The following LEF1 variants were observed in gnomAD, a reference collection of about 807,000 sequenced individuals.
LEF1 encodes lymphoid enhancer-binding factor 1.
In LEF1, 14 loss-of-function variants were observed where a neutral mutation model predicts 51.2. The observed-to-expected ratio is 0.27, with a 90% confidence interval of 0.18 to 0.43. The LOEUF is 0.43. Among genes scored for constraint, LEF1 ranks in the 20% least tolerant of loss-of-function variants. The pLI is 1.00. For synonymous variants in LEF1, 185 were observed against 183.2 expected (o/e 1.01, Z -0.08); for missense variants, 386 against 512.0 (o/e 0.75, Z 2.37).
chr4:108,105,767 A>G (rs1406068377), intron 3 of LEF1, among the ~76,000 whole-genome samples: 1 of 152,194 alleles, frequency 6.6e-6, no homozygotes, highest in African/African-American at 2.4e-5. Context: ...CAAAGCTTTC[A>G]TTAGCCTCCC....
At chr4:108,049,543 G>A (rs1451893632) in intron 11 of LEF1, among the ~76,000 whole-genome samples, 6 of 152,304 alleles carry the variant, frequency 3.9e-5, no homozygotes, top group South Asian at 2.1e-4. Context: ...GCAAAGTTCC[G>A]TTCCTTCACT....
At chr4:108,131,174 C>A (rs1253376112) in intron 3 of LEF1, among the ~76,000 whole-genome samples, 7 of 152,034 alleles carry the variant, frequency 4.6e-5, no homozygotes, top group Non-Finnish European at 1.0e-4. Flanking sequence ...GTGGCTCATG[C>A]CTGTAATCCC....
At chr4:108,063,249 C>T (rs57530164) in intron 11 of LEF1, among the ~76,000 whole-genome samples, 2,641 of 152,272 alleles carry the variant, frequency 0.017, 71 homozygotes, top group African/African-American at 0.06. Context: ...TGGTGCTCCT[C>T]AAACCCACCC....
chr4:108,051,202 A>C (rs1190688554), intron 11 of LEF1, among the ~76,000 whole-genome samples: 2 of 152,132 alleles, frequency 1.3e-5, no homozygotes, highest in Non-Finnish European at 2.9e-5. Context: ...TTGGCTTCAG[A>C]GAACCTCTGT....
At chr4:108,119,552 G>A (rs1284540589) in intron 3 of LEF1, among the ~76,000 whole-genome samples, 1 of 152,078 alleles carries the variant, frequency 6.6e-6, no homozygotes, top group Non-Finnish European at 1.5e-5. Context: ...CCCACTGTAA[G>A]GCAAAAGATT....
At chr4:108,146,186 G>A (rs1743991470) in intron 3 of LEF1, among the ~76,000 whole-genome samples, 1 of 152,164 alleles carries the variant, frequency 6.6e-6, no homozygotes, top group Admixed American at 6.5e-5. Flanking sequence ...TCCACGTAGC[G>A]ACCTTGTGAC....
At chr4:108,070,988 T>A (rs1394948680) in intron 8 of LEF1, 2 of 455,316 alleles carry the variant, frequency 4.4e-6, no homozygotes, top group African/African-American at 3.9e-5. Context: ...TTCTCTGATA[T>A]CACATGAAAC....
intron 3 of LEF1, among the ~76,000 whole-genome samples, chr4:108,095,721 C>T (rs1248878551): frequency 2.0e-5 from 3 of 152,198 alleles, no homozygotes; most frequent in Non-Finnish European, 1.5e-5. Context: ...GAATTCCAAA[C>T]ATTACGTCAT....
intron 3 of LEF1, among the ~76,000 whole-genome samples, chr4:108,153,644 C>T (rs545029005): frequency 1.3e-3 from 201 of 152,272 alleles, no homozygotes; most frequent in Non-Finnish European, 1.1e-3. Flanking sequence ...AGGTGCATTG[C>T]CTTTGACTGC....
intron 3 of LEF1, among the ~76,000 whole-genome samples, chr4:108,115,140 C>T (rs543078251): frequency 6.6e-6 from 1 of 152,340 alleles, no homozygotes; most frequent in South Asian, 2.1e-4. Flanking sequence ...CACACCTATA[C>T]TATCTGTTAG....
chr4:108,089,688 C>T lies in LEF1; in HGVS notation c.415-431G>A, dbSNP rs112640478. Reference sequence around the variant, plus strand: ...CTGGCACAAAAAGCAAAAAACTGTCCAATGAGCAAATAAATGAATAAATAT... The same window carrying T: ...CTGGCACAAAAAGCAAAAAACTGTCTAATGAGCAAATAAATGAATAAATAT... On this transcript the variant is annotated intron_variant, in intron 3 of 11. Coordinates refer to ENST00000265165, the MANE Select transcript of LEF1 (RefSeq NM_016269.5). Among the ~76,000 whole-genome samples, 493 of 152,212 alleles carry T rather than the reference C, an allele frequency of 3.2e-3. 3 individuals carry two copies. Among genetic ancestry groups the T allele is most frequent in the African/African-American group, 0.011 (469 of 41,534 alleles).
chr4:108,163,082 C>T (rs923742978), intron 3 of LEF1, among the ~76,000 whole-genome samples: 6 of 152,106 alleles, frequency 3.9e-5, no homozygotes, highest in Non-Finnish European at 8.8e-5. Flanking sequence ...CCCCGCCAAA[C>T]CGATCCTAAG....
chr4:108,079,157 A>G (rs1454186585), intron 7 of LEF1, among the ~76,000 whole-genome samples: 2 of 152,200 alleles, frequency 1.3e-5, no homozygotes, highest in Non-Finnish European at 2.9e-5. Flanking sequence ...TCAGGTAGGA[A>G]CAGGTTCTCC....
At chr4:108,140,420 TA>T (rs1743568105) in intron 3 of LEF1, among the ~76,000 whole-genome samples, 1 of 152,212 alleles carries the variant, frequency 6.6e-6, no homozygotes, top group Non-Finnish European at 1.5e-5. Context: ...AGCATAACTT[TA>T]TTTTTCTCTT....
intron 7 of LEF1, 116 bp downstream of exon 7, chr4:108,079,376 T>G: frequency 8.8e-7 from 1 of 1,134,108 alleles, no homozygotes; most frequent in South Asian, 1.3e-5. Flanking sequence ...AAGGCAGAGG[T>G]GCATTGAGTT....
chr4:108,161,700 A>C (rs908514456), intron 3 of LEF1, among the ~76,000 whole-genome samples: 1 of 152,168 alleles, frequency 6.6e-6, no homozygotes, highest in African/African-American at 2.4e-5. Context: ...AATACCAATA[A>C]ATTTTCATTA....
intron 5 of LEF1, among the ~76,000 whole-genome samples, chr4:108,082,157 G>A (rs1408183287): frequency 3.9e-5 from 6 of 152,160 alleles, no homozygotes; most frequent in Non-Finnish European, 5.9e-5. Flanking sequence ...CCATATACAT[G>A]TTAAAGTCAA....
intron 3 of LEF1, among the ~76,000 whole-genome samples, chr4:108,110,180 C>T (rs573742249): frequency 1.6e-4 from 25 of 152,312 alleles, no homozygotes; most frequent in Non-Finnish European, 3.1e-4. Flanking sequence ...ATTCTCCAAA[C>T]AATACTTAAC....
chr4:108,081,086 G>A (rs1464352671), intron 6 of LEF1, among the ~76,000 whole-genome samples: 3 of 152,062 alleles, frequency 2.0e-5, no homozygotes, highest in Admixed American at 1.3e-4. Flanking sequence ...CAGCCTGTCC[G>A]CACTGTTCTG....
Sources: gnomAD v4.1 joint callset for allele counts (sites outside exome capture counted in the v4.1 genomes callset) on GRCh38, gnomAD v4.1.1 for gene constraint, MANE v1.5 for transcripts, NCBI Gene and HGNC (gene_info 2026-07-23, HGNC 2026-07-21) for gene names.